CHCHD6: variants seen among roughly 807,000 people sequenced by gnomAD.
CHCHD6 encodes MICOS complex subunit MIC25.
Under a neutral mutation model 32.3 loss-of-function variants are expected in CHCHD6, and 28 were observed. That is an observed-to-expected ratio of 0.87 (90% CI 0.64 to 1.19). The LOEUF (loss-of-function observed/expected upper bound fraction) is 1.19, where lower values mean the gene tolerates loss of function less well. CHCHD6 is among the 50% of genes most tolerant of loss of function. The pLI is 0.00. For synonymous variants in CHCHD6, 122 were observed against 117.5 expected, an observed-to-expected ratio of 1.04 and a Z score of -0.25; for missense variants, 333 against 307.0, an observed-to-expected ratio of 1.08 and a Z score of -0.63.
chr3:126,827,565 G>T (rs1335017936), intron 4 of CHCHD6, among the ~76,000 whole-genome samples: 1 of 152,144 alleles, frequency 6.6e-6, no homozygotes, highest in Admixed American at 6.5e-5. Context: ...GTGGCTTGGG[G>T]ATGTGGGGTT....
intron 6 of CHCHD6, among the ~76,000 whole-genome samples, chr3:126,948,877 T>A (rs553291245): frequency 6.6e-6 from 1 of 152,350 alleles, no homozygotes; most frequent in East Asian, 1.9e-4. Context: ...CAGCTTTATG[T>A]TCTCCCTGGA....
chr3:126,810,038 C>A (rs1939590409), intron 4 of CHCHD6, among the ~76,000 whole-genome samples: 1 of 152,132 alleles, frequency 6.6e-6, no homozygotes, highest in African/African-American at 2.4e-5. Context: ...TTTATGAAGA[C>A]CCCTCATATA....
intron 7 of CHCHD6, chr3:126,957,886 G>T (rs2078809309): frequency 2.4e-6 from 1 of 415,496 alleles, no homozygotes; most frequent in Non-Finnish European, 4.5e-6. Flanking sequence ...TTAGCCCTCG[G>T]CACTTAGGGG....
At chr3:126,829,881 T>G (rs1472309545) in intron 4 of CHCHD6, among the ~76,000 whole-genome samples, 1 of 152,030 alleles carries the variant, frequency 6.6e-6, no homozygotes, top group Non-Finnish European at 1.5e-5. Context: ...GTGGATCACC[T>G]GAGGTCAGGA....
chr3:126,749,570 T>G (rs963022332), intron 4 of CHCHD6, among the ~76,000 whole-genome samples: 2 of 152,140 alleles, frequency 1.3e-5, no homozygotes, highest in African/African-American at 4.8e-5. Flanking sequence ...CCAGATACAG[T>G]AGCATAAATA....
intron 5 of CHCHD6, among the ~76,000 whole-genome samples, chr3:126,880,824 AG>A (rs1464487548): frequency 2.0e-5 from 3 of 152,232 alleles, no homozygotes; most frequent in African/African-American, 7.2e-5. Context: ...AGGAAATTAA[AG>A]GAAGTCATGA....
chr3:126,935,713 A>G (rs1297610234), intron 6 of CHCHD6, among the ~76,000 whole-genome samples: 1 of 152,250 alleles, frequency 6.6e-6, no homozygotes, highest in East Asian at 1.9e-4. Context: ...TAGATGTACA[A>G]TTTCCACGCA....
At chr3:126,912,884 G>T (rs938067847) in intron 5 of CHCHD6, among the ~76,000 whole-genome samples, 5 of 152,200 alleles carry the variant, frequency 3.3e-5, no homozygotes. Context: ...AGAGGTGGGG[G>T]GTCCATCCCT....
intron 6 of CHCHD6, among the ~76,000 whole-genome samples, chr3:126,928,399 A>G (rs1273636125): frequency 6.6e-6 from 1 of 152,200 alleles, no homozygotes; most frequent in Non-Finnish European, 1.5e-5. Context: ...ACCCACCACC[A>G]TCACAGAGCC....
intron 1 of CHCHD6, among the ~76,000 whole-genome samples, chr3:126,713,313 C>G (rs965910832): frequency 1.3e-5 from 2 of 152,204 alleles, no homozygotes; most frequent in Non-Finnish European, 1.5e-5. Context: ...CAGCCCGTGA[C>G]CAGCTTCTTG....
intron 4 of CHCHD6, among the ~76,000 whole-genome samples, chr3:126,831,095 C>A (rs895389000): frequency 4.0e-5 from 6 of 151,852 alleles, no homozygotes; most frequent in African/African-American, 9.7e-5. Flanking sequence ...GCAATCTCAG[C>A]TCACTGCAAG....
intron 4 of CHCHD6, among the ~76,000 whole-genome samples, chr3:126,764,961 C>T (rs1363353366): frequency 6.6e-6 from 1 of 152,160 alleles, no homozygotes; most frequent in African/African-American, 2.4e-5. Flanking sequence ...AGCTTCCTCC[C>T]ATAGGGCCTT....
At chr3:126,865,476 A>G in intron 5 of CHCHD6, 2 of 719,950 alleles carry the variant, frequency 2.8e-6, no homozygotes, top group Non-Finnish European at 3.4e-6. Context: ...CACTTTCATC[A>G]ACTCCATCAC....
intron 5 of CHCHD6, among the ~76,000 whole-genome samples, chr3:126,863,537 C>T (rs1942056976): frequency 7.0e-6 from 1 of 142,848 alleles, no homozygotes; most frequent in African/African-American, 2.7e-5. Flanking sequence ...ACCACCTCCT[C>T]CTCCTCCACC....
At chr3:126,941,568 A>T (rs188422424) in intron 6 of CHCHD6, among the ~76,000 whole-genome samples, 58 of 152,112 alleles carry the variant, frequency 3.8e-4, no homozygotes, top group Non-Finnish European at 7.1e-4. Flanking sequence ...TTTTTGGGGG[A>T]TAAGTGCGTC....
intron 5 of CHCHD6, among the ~76,000 whole-genome samples, chr3:126,887,338 T>A (rs567182785): frequency 6.6e-6 from 1 of 152,276 alleles, no homozygotes; most frequent in Non-Finnish European, 1.5e-5. Flanking sequence ...CTGCATATAA[T>A]CAGTGCTTTA....
intron 1 of CHCHD6, among the ~76,000 whole-genome samples, chr3:126,723,000 G>C (rs1043735306): frequency 6.6e-6 from 1 of 152,074 alleles, no homozygotes; most frequent in African/African-American, 2.4e-5. Flanking sequence ...AGGTAGGTGT[G>C]CAACTATATT....
intron 5 of CHCHD6, among the ~76,000 whole-genome samples, chr3:126,894,690 C>T (rs947184937): frequency 2.0e-5 from 3 of 152,136 alleles, no homozygotes; most frequent in South Asian, 2.1e-4. Flanking sequence ...ACCCAGCAGA[C>T]GGAGCAGGAG....
At chr3:126,916,421 G>T (rs2078172436) in intron 6 of CHCHD6, among the ~76,000 whole-genome samples, 2 of 151,722 alleles carry the variant, frequency 1.3e-5, no homozygotes, top group African/African-American at 4.8e-5. Flanking sequence ...AAAAAAAGAA[G>T]GCCAATTATC....
Sources: allele counts gnomAD v4.1 joint callset (sites outside exome capture counted in the v4.1 genomes callset), GRCh38; gene constraint gnomAD v4.1.1; transcripts MANE v1.5; gene names NCBI Gene and HGNC (gene_info 2026-07-23, HGNC 2026-07-21).